WWP2: variants seen among roughly 807,000 people sequenced by gnomAD.
WWP2 encodes the protein NEDD4-like E3 ubiquitin-protein ligase WWP2.
In WWP2, 57 loss-of-function variants were observed where a neutral mutation model predicts 121.0. The observed-to-expected ratio is 0.47, with a 90% CI of 0.38 to 0.59. The LOEUF is 0.59. WWP2 is among the 20% of genes least tolerant of loss of function. The pLI is 0.00. For synonymous variants in WWP2, 449 were observed against 441.3 expected (o/e 1.02, Z -0.22); for missense variants, 962 against 1,158.9 (o/e 0.83, Z 2.47).
intron 4 of WWP2, among the ~76,000 whole-genome samples, chr16:69,831,243 A>G (rs1382782231): frequency 6.6e-6 from 1 of 152,164 alleles, no homozygotes; most frequent in Non-Finnish European, 1.5e-5. Context: ...TGTATTCTGA[A>G]TTAGGAACCA....
intron 2 of WWP2, among the ~76,000 whole-genome samples, chr16:69,789,495 T>C (rs1179966312): frequency 2.6e-5 from 4 of 152,224 alleles, no homozygotes; most frequent in African/African-American, 7.2e-5. Context: ...CCCAAAGTGC[T>C]GGGATTACGG....
At chr16:69,796,798 C>T (rs958065502) in intron 2 of WWP2, among the ~76,000 whole-genome samples, 7 of 152,234 alleles carry the variant, frequency 4.6e-5, no homozygotes, top group Admixed American at 6.5e-5. Flanking sequence ...GTTCCCTTGT[C>T]GCTTCTGAAT....
chr16:69,822,924 G>C (rs1405889822), intron 4 of WWP2, among the ~76,000 whole-genome samples: 1 of 152,152 alleles, frequency 6.6e-6, no homozygotes, highest in South Asian at 2.1e-4. Flanking sequence ...ATCATTTGAG[G>C]CCAGGAATTC....
intron 9 of WWP2, among the ~76,000 whole-genome samples, chr16:69,912,369 T>A (rs1597149749): frequency 7.1e-6 from 1 of 140,194 alleles, no homozygotes; most frequent in Non-Finnish European, 1.5e-5. Flanking sequence ...GGAGTTAGAT[T>A]CACACACACA....
rs915509350 is a variant in WWP2 at position 69,908,672 on chromosome 16, G to C, written c.915-89G>C. On this transcript the variant is annotated intron_variant, in intron 8 of 23. Coordinates refer to ENST00000359154, the MANE Select transcript of WWP2 (RefSeq NM_001270454.2). The stretch of plus-strand genomic sequence containing the variant: ...CATCTTTGATGCTTCCTGTAAATTA[G>C]CCACATGAGTGATGAAGGTCTTCCT... 14 of 1,566,098 alleles carry C rather than the reference G, an allele frequency of 8.9e-6. No homozygotes were observed. In the Admixed American group the frequency reaches 2.2e-4, roughly 24 times the overall value.
chr16:69,885,144 C>CACACACA lies in WWP2; in HGVS notation c.704-2895_704-2894insACACACA, dbSNP rs766923825. Among the ~76,000 whole-genome samples the CACACACA allele has an allele frequency of 9.1e-3, 1,359 of 149,218 alleles. 5 individuals carry two copies. The highest frequency in any genetic ancestry group is 0.021 in the Middle Eastern group (6 of 284). On this transcript the variant is annotated intron_variant, in intron 7 of 23. Coordinates refer to ENST00000359154, the MANE Select transcript of WWP2 (RefSeq NM_001270454.2). ...ACACACACACACACACACACACATT[C>CACACACA]TTCTTCTTTAGAATGTTCATGGCTA...
intron 6 of WWP2, among the ~76,000 whole-genome samples, chr16:69,842,523 T>C (rs1461618220): frequency 6.6e-6 from 1 of 152,204 alleles, no homozygotes; most frequent in Non-Finnish European, 1.5e-5. Flanking sequence ...TATTTCTATC[T>C]TTGTGTTCAT....
intron 10 of WWP2, among the ~76,000 whole-genome samples, chr16:69,918,143 C>T (rs927151724): frequency 9.2e-5 from 14 of 152,196 alleles, no homozygotes; most frequent in African/African-American, 2.4e-4. Flanking sequence ...CTTCCGAGAT[C>T]GGCTTTCATT....
Position 69,877,800 on chromosome 16 carries a change from G to A in WWP2, c.703+5869G>A, listed in dbSNP as rs143982826. ...ACACACAATATTTATTATTAAATTT[G>A]CTTTTTATTTATTTATTTATTTATT... On this transcript the variant is annotated intron_variant, in intron 7 of 23. Coordinates refer to ENST00000359154, the MANE Select transcript of WWP2 (RefSeq NM_001270454.2). Among the ~76,000 whole-genome samples, 602 of 152,086 alleles carry A rather than the reference G, an allele frequency of 4.0e-3. 2 individuals are homozygous for A. The highest frequency in any genetic ancestry group is 5.8e-3 in the Non-Finnish European group (395 of 67,986).
At chr16:69,909,768 C>A (rs1023924535) in intron 9 of WWP2, 15 of 907,822 alleles carry the variant, frequency 1.7e-5, no homozygotes, top group Middle Eastern at 1.1e-3. Context: ...TGAAAATGTT[C>A]TTATTATTAT....
chr16:69,929,610 G>A, intron 12 of WWP2, 81 bp downstream of exon 12: 2 of 1,277,936 alleles, frequency 1.6e-6, no homozygotes, highest in Non-Finnish European at 2.3e-6. Context: ...GCTTTGGACT[G>A]CATCGTCCCA....
chr16:69,775,398 T>C (rs2055503850), intron 1 of WWP2, among the ~76,000 whole-genome samples: 1 of 152,212 alleles, frequency 6.6e-6, no homozygotes, highest in South Asian at 2.1e-4. Context: ...TGTCATGTTT[T>C]GGGGTAAGGT....
intron 8 of WWP2, 101 bp downstream of exon 8, chr16:69,888,350 T>C: frequency 8.7e-6 from 11 of 1,261,834 alleles, no homozygotes; most frequent in Non-Finnish European, 1.2e-5. Flanking sequence ...TAGTGGCTAG[T>C]AGCCTCTGGG....
At chr16:69,890,194 C>T (rs1441027975) in intron 8 of WWP2, among the ~76,000 whole-genome samples, 1 of 148,176 alleles carries the variant, frequency 6.7e-6, no homozygotes, top group African/African-American at 2.5e-5. Flanking sequence ...CTTTCAAAAA[C>T]CCAGTTGTCA....
At chr16:69,850,182 T>A (rs1025740688) in intron 6 of WWP2, among the ~76,000 whole-genome samples, 5 of 151,958 alleles carry the variant, frequency 3.3e-5, no homozygotes, top group African/African-American at 9.7e-5. Context: ...GTCAGGAGAT[T>A]GAGACCATCC....
At chr16:69,812,131 T>C (rs1388113563) in intron 4 of WWP2, among the ~76,000 whole-genome samples, 1 of 151,536 alleles carries the variant, frequency 6.6e-6, no homozygotes, top group Non-Finnish European at 1.5e-5. Context: ...TTTCATGACA[T>C]TGGCATCGGC....
At chr16:69,784,096 T>TGC in intron 1 of WWP2, among the ~76,000 whole-genome samples, 1 of 107,166 alleles carries the variant, frequency 9.3e-6, no homozygotes, top group East Asian at 2.4e-4. Flanking sequence ...TCTTTCTTTT[T>TGC]TTTTTTTTTT....
chr16:69,937,241 G>C lies in WWP2; in HGVS notation c.2238+3G>C. ...ACTTTGACGAGAAAGAGCTGGAGGT[G>C]AGTGTCTGAGGTTGCTGGGACCCTG... On this transcript the variant is annotated splice_donor_region_variant and intron_variant, in intron 20 of 23. Coordinates refer to ENST00000359154, the MANE Select transcript of WWP2 (RefSeq NM_001270454.2). The surrounding 1 kb of genome is among the most constrained non-coding windows in gnomAD (Gnocchi z 6.6). The C allele has an allele frequency of 6.2e-7, 1 of 1,613,406 alleles. No homozygotes were observed. The highest frequency in any genetic ancestry group is 8.5e-7 in the Non-Finnish European group (1 of 1,179,872).
rs193209772 is a variant in WWP2 at position 69,818,360 on chromosome 16, A to C, written c.340+19065A>C. ...GTAGCTGGGATTACAGGCACCTGCC[A>C]CCACGCCCAGCTAATTTTTTATTTT... is the stretch of plus-strand genomic sequence containing the variant. On this transcript the variant is annotated intron_variant, in intron 4 of 23. Coordinates refer to ENST00000359154, the MANE Select transcript of WWP2 (RefSeq NM_001270454.2). Among the ~76,000 whole-genome samples, 337 of 152,150 alleles carry C rather than the reference A, an allele frequency of 2.2e-3. 2 individuals are homozygous for C. The highest frequency in any genetic ancestry group is 5.6e-3 in the South Asian group (27 of 4,816).
Sources: allele counts gnomAD v4.1 joint callset (sites outside exome capture counted in the v4.1 genomes callset), GRCh38; gene constraint gnomAD v4.1.1; non-coding constraint Gnocchi (gnomAD v3.1); transcripts MANE v1.5; gene names NCBI Gene and HGNC (gene_info 2026-07-23, HGNC 2026-07-21).